CDCA2: variants seen among roughly 807,000 people sequenced by gnomAD.
CDCA2 encodes the protein cell division cycle associated 2.
In CDCA2, 44 loss-of-function variants were observed where a neutral mutation model predicts 67.0. The ratio of observed to expected loss-of-function variants is 0.66; its 90% CI spans 0.52 to 0.84. The LOEUF (loss-of-function observed/expected upper bound fraction) is 0.84, where lower values mean the gene tolerates loss of function less well. CDCA2 is among the 40% of genes least tolerant of loss of function. The pLI is 0.00. For synonymous variants in CDCA2, 447 were observed against 418.7 expected, an observed-to-expected ratio of 1.07 and a Z score of -0.82; for missense variants, 1,253 against 1,203.2, an observed-to-expected ratio of 1.04 and a Z score of -0.61.
intron 4 of CDCA2, 30 bp downstream of exon 4, chr8:25,462,238 A>G: frequency 6.2e-7 from 1 of 1,607,542 alleles, no homozygotes; most frequent in Non-Finnish European, 8.5e-7. Context: ...TCTGTCGTGA[A>G]TTCCGTTAAT....
chr8:25,498,453 A>ACCCCCACCCC (rs1804328387), intron 13 of CDCA2, among the ~76,000 whole-genome samples: 1 of 76,612 alleles, frequency 1.3e-5, no homozygotes, highest in Non-Finnish European at 2.6e-5. Context: ...GGTAATCTGC[A>ACCCCCACCCC]CCCCCCCCCC....
chr8:25,463,345 G>T (rs952635064), intron 4 of CDCA2, among the ~76,000 whole-genome samples: 1 of 152,136 alleles, frequency 6.6e-6, no homozygotes, highest in Non-Finnish European at 1.5e-5. Context: ...TACAATGGTG[G>T]TCTCATAATA....
Position 25,460,287 on chromosome 8 carries a change from A to T in CDCA2, c.48A>T (p.Ala16=), listed in dbSNP as rs535148007. The change falls in exon 2 of 15, where the codon GCA becomes GCT. Residue 16 remains alanine (A), a synonymous_variant. Coordinates refer to ENST00000330560, the MANE Select transcript of CDCA2 (RefSeq NM_152562.4). The part of the protein sequence containing the change: ...KDKPPETKES[A]MNNAGNASFI... Reference sequence around the variant, plus strand: ...AGCCCCCTGAAACCAAGGAGTCTGCAATGAATAATGCTGGTATGTGATGAT... The same window carrying T: ...AGCCCCCTGAAACCAAGGAGTCTGCTATGAATAATGCTGGTATGTGATGAT... 6.2e-7 allele frequency: 1 copy of T among 1,614,110 alleles called. No individual in the cohort carries two copies. Among genetic ancestry groups the T allele is most frequent in the Admixed American group, 1.7e-5 (1 of 60,008 alleles).
intron 7 of CDCA2, chr8:25,479,705 C>T (rs534739406): frequency 3.5e-5 from 20 of 568,190 alleles, no homozygotes; most frequent in Middle Eastern, 4.8e-4. Flanking sequence ...CTTCGTAGTC[C>T]GATTTGAGGT....
intron 13 of CDCA2, among the ~76,000 whole-genome samples, chr8:25,490,295 A>C (rs1422904542): frequency 6.6e-6 from 1 of 152,114 alleles, no homozygotes; most frequent in South Asian, 2.1e-4. Flanking sequence ...AGGATTGAGC[A>C]TTAAGTCACT....
At chr8:25,477,439 G>A (rs1325559502) in intron 7 of CDCA2, among the ~76,000 whole-genome samples, 1 of 152,140 alleles carries the variant, frequency 6.6e-6, no homozygotes, top group African/African-American at 2.4e-5. Context: ...GCATCTGTAA[G>A]CCAAAAATCC....
At chr8:25,483,761 A>C (rs1360272789) in intron 9 of CDCA2, among the ~76,000 whole-genome samples, 2 of 152,178 alleles carry the variant, frequency 1.3e-5, no homozygotes, top group African/African-American at 4.8e-5. Flanking sequence ...TTACTTGGAA[A>C]TCTGTTGCCA....
chr8:25,469,705 GATACACTTTATGAGATAAAGTGTACACTT>G (rs1563263369), intron 6 of CDCA2, among the ~76,000 whole-genome samples, 162 bp from the exon 7 acceptor site: 1 of 151,146 alleles, frequency 6.6e-6, no homozygotes, highest in African/African-American at 2.4e-5. Context: ...TACACTTTGA[GATACACTTTATGAGATAAAGTGTACACTT>G]TTCTCAGGAT....
intron 4 of CDCA2, 51 bp from the exon 5 acceptor site, chr8:25,466,124 A>G (rs767796672): frequency 1.3e-6 from 2 of 1,531,742 alleles, no homozygotes; most frequent in Non-Finnish European, 1.8e-6. Context: ...CCTAGAATAT[A>G]GAAAGTATGA....
rs951519699 is a variant in CDCA2, at chr8:25,462,053, G to C, written c.233-1G>C. 1 of 1,612,524 alleles carries C rather than the reference G, an allele frequency of 6.2e-7. No homozygotes were observed. Among genetic ancestry groups the C allele is most frequent in the Non-Finnish European group, 8.5e-7 (1 of 1,178,732 alleles). On this transcript the variant is annotated splice_acceptor_variant, in intron 3 of 14. Coordinates refer to ENST00000330560, the MANE Select transcript of CDCA2 (RefSeq NM_152562.4). LOFTEE classifies it high-confidence loss of function. ...CAATTTATAAGAGAGTTTCATTACA[G>C]GAAAGTCATCATCCTACCTTAAAAA...
intron 7 of CDCA2, chr8:25,472,239 CTTTTTTA>C (rs1803184346): frequency 1.3e-5 from 2 of 149,972 alleles, no homozygotes; most frequent in African/African-American, 4.9e-5. Context: ...TGTGCTGTTT[CTTTTTTA>C]TTTTTTATTT....
chr8:25,464,669 G>A (rs1017504824), intron 4 of CDCA2, among the ~76,000 whole-genome samples: 7 of 152,088 alleles, frequency 4.6e-5, no homozygotes, highest in African/African-American at 1.7e-4. Flanking sequence ...CATGTTCCTA[G>A]GATATTAAAT....
chr8:25,499,748 T>G (rs567348216), intron 13 of CDCA2, among the ~76,000 whole-genome samples: 53 of 152,182 alleles, frequency 3.5e-4, no homozygotes, highest in Non-Finnish European at 6.9e-4. Context: ...GATTTTGGAG[T>G]AAACGAAATT....
intron 7 of CDCA2, among the ~76,000 whole-genome samples, chr8:25,478,888 G>GTGTGTATATA (rs1006353040): frequency 2.1e-4 from 23 of 111,594 alleles, no homozygotes; most frequent in African/African-American, 9.2e-4. Context: ...TTGTGTGTGT[G>GTGTGTATATA]TATATATATA....
chr8:25,491,665 G>A (rs1804007977), intron 13 of CDCA2, among the ~76,000 whole-genome samples: 1 of 152,144 alleles, frequency 6.6e-6, no homozygotes, highest in Admixed American at 6.5e-5. Context: ...CACCCAGGCT[G>A]GAGTGTAGTG....
In CDCA2 at chr8:25,474,569, G is replaced by A. The variant is rs566312778; in HGVS notation, c.820+4589G>A. Among the ~76,000 whole-genome samples, 8 of 152,272 alleles carry A rather than the reference G, an allele frequency of 5.3e-5. No homozygotes were observed. The South Asian group carries it at 1.7e-3, about 32-fold the overall frequency. ...TGCTTGTGATCCTTTGTATTTTGGT[G>A]TCAGGTTCTCTGGTTGCTTCCTGTG... On this transcript the variant is annotated intron_variant, in intron 7 of 14. Coordinates refer to ENST00000330560, the MANE Select transcript of CDCA2 (RefSeq NM_152562.4).
intron 14 of CDCA2, among the ~76,000 whole-genome samples, chr8:25,505,393 G>A (rs1020125173): frequency 2.6e-5 from 4 of 152,100 alleles, no homozygotes; most frequent in African/African-American, 9.7e-5. Flanking sequence ...TAGAGACGGG[G>A]TTTCACCATG....
chr8:25,488,538 C>T lies in CDCA2; in HGVS notation c.1534-14C>T. ...TTGTGCTTTACGGTATCCTACTTTA[C>T]ACTTTCTTTATAGCAATTGGTCAGT... is the stretch of plus-strand genomic sequence containing the variant. On this transcript the variant is annotated splice_polypyrimidine_tract_variant and intron_variant, in intron 12 of 14. Coordinates refer to ENST00000330560, the MANE Select transcript of CDCA2 (RefSeq NM_152562.4). 1 of 1,591,814 alleles carries T rather than the reference C, an allele frequency of 6.3e-7. No homozygotes were observed.
chr8:25,469,130 C>T (rs1803052361), intron 6 of CDCA2, among the ~76,000 whole-genome samples: 1 of 152,204 alleles, frequency 6.6e-6, no homozygotes, highest in South Asian at 2.1e-4. Flanking sequence ...CACAGTAGCT[C>T]CTCATGGCCT....
Sources: gnomAD v4.1 joint callset for allele counts (sites outside exome capture counted in the v4.1 genomes callset) on GRCh38, gnomAD v4.1.1 for gene constraint, MANE v1.5 for transcripts, NCBI Gene and HGNC (gene_info 2026-07-23, HGNC 2026-07-21) for gene names.